PCSK5: variants seen among roughly 807,000 people sequenced by gnomAD.
PCSK5 encodes prohormone convertase 5.
A neutral mutation model predicts 233.2 loss-of-function variants in PCSK5; 129 were observed. The observed-to-expected ratio is 0.55, with a 90% CI of 0.48 to 0.64. The LOEUF is 0.64. Ranked by LOEUF, PCSK5 falls within the 30% of genes least tolerant of loss-of-function variation. The probability of loss-of-function intolerance (pLI) is 0.00; values close to 1 mark genes in which losing one functional copy is unlikely to be tolerated. For synonymous variants in PCSK5, 825 were observed against 879.2 expected (o/e 0.94, Z 1.09); for missense variants, 2,076 against 2,430.1 (o/e 0.85, Z 3.06).
intron 11 of PCSK5, among the ~76,000 whole-genome samples, 178 bp from the exon 12 acceptor site, chr9:76,158,805 C>A (rs1439048156): frequency 6.6e-6 from 1 of 152,208 alleles, no homozygotes; most frequent in Non-Finnish European, 1.5e-5. Context: ...TCCCTTGCAT[C>A]TTTCCCACTA....
intron 2 of PCSK5, among the ~76,000 whole-genome samples, chr9:75,949,860 A>G (rs1044776710): frequency 6.6e-5 from 10 of 152,250 alleles, no homozygotes; most frequent in Admixed American, 4.6e-4. Context: ...ATAGGTGTCT[A>G]TATTTATGGG....
chr9:75,932,547 C>A, intron 2 of PCSK5, 64 bp downstream of exon 2: 1 of 930,868 alleles, frequency 1.1e-6, no homozygotes, highest in Non-Finnish European at 1.8e-6. Flanking sequence ...TTGGTAATAA[C>A]ACACTAGGGG....
At chr9:75,928,451 T>C (rs533627604) in intron 1 of PCSK5, among the ~76,000 whole-genome samples, 28 of 151,918 alleles carry the variant, frequency 1.8e-4, no homozygotes, top group African/African-American at 6.5e-4. Flanking sequence ...ACTTCCAACA[T>C]GTTGTGACAT....
chr9:75,953,303 AT>A (rs1439091664), intron 2 of PCSK5, among the ~76,000 whole-genome samples: 1 of 152,138 alleles, frequency 6.6e-6, no homozygotes, highest in African/African-American at 2.4e-5. Context: ...AAGAAGTGAG[AT>A]TAGGGAAAAG....
chr9:76,122,034 G>A lies in PCSK5; in HGVS notation c.1209-12075G>A, dbSNP rs1247431487. Among the ~76,000 whole-genome samples the A allele has an allele frequency of 6.3e-5, 3 of 47,424 alleles. 1 individual carries two copies. Among genetic ancestry groups the A allele is most frequent in the African/African-American group, 1.2e-4 (2 of 17,382 alleles). The allele number at this position is 47,424 out of a possible 152,430, so 31.1% of individuals were successfully genotyped here. ...GAGACGGGGTTTCACCGTTTTAGCC[G>A]GGATGGTCTCGATCTCCTGACCTCG... is the stretch of plus-strand genomic sequence containing the variant. On this transcript the variant is annotated intron_variant, in intron 9 of 37. Transcript: ENST00000674117.
chr9:76,258,163 C>T (rs1003802981), intron 24 of PCSK5, among the ~76,000 whole-genome samples: 1 of 152,106 alleles, frequency 6.6e-6, no homozygotes, highest in African/African-American at 2.4e-5. Context: ...GGTGGTAGAA[C>T]ATTAGAATAG....
rs368207822 is a variant in PCSK5, at chr9:76,277,347, G to T, written c.3143-14886G>T. The stretch of plus-strand genomic sequence containing the variant: ...CAGCGTTAGTGAGTGATCCCTATAG[G>T]AATTGCTGCATATTTTCATCCATCA... On this transcript the variant is annotated intron_variant, in intron 24 of 37. Transcript: ENST00000674117. Among the ~76,000 whole-genome samples the T allele has an allele frequency of 3.3e-5, 5 of 152,230 alleles. No homozygotes were observed. In the South Asian group the frequency reaches 6.2e-4, roughly 19 times the overall value.
chr9:76,123,097 G>A (rs1832711040), intron 9 of PCSK5, among the ~76,000 whole-genome samples: 1 of 152,008 alleles, frequency 6.6e-6, no homozygotes, highest in South Asian at 2.1e-4. Context: ...GCCCACCATG[G>A]CCTCTCAAAG....
intron 1 of PCSK5, among the ~76,000 whole-genome samples, chr9:75,918,766 A>G (rs1823116544): frequency 6.6e-6 from 1 of 152,238 alleles, no homozygotes; most frequent in South Asian, 2.1e-4. Context: ...ATGATTCTCA[A>G]GGTTGCTTTT....
At chr9:76,037,833 G>A (rs1828926320) in intron 5 of PCSK5, among the ~76,000 whole-genome samples, 1 of 152,150 alleles carries the variant, frequency 6.6e-6, no homozygotes. Context: ...GAATTGAGAA[G>A]AGCAGTAGAG....
Position 75,891,065 on chromosome 9 carries a change from C to CGAGCTGCGGCGGCCCGGGGCTGG in PCSK5, c.-95_-94insGGAGCTGCGGCGGCCCGGGGCTG. The CGAGCTGCGGCGGCCCGGGGCTGG allele has an allele frequency of 1.0e-6, 1 of 968,136 alleles. No individual in the cohort carries two copies. Among genetic ancestry groups the CGAGCTGCGGCGGCCCGGGGCTGG allele is most frequent in the Non-Finnish European group, 1.4e-6 (1 of 720,136 alleles). 60.0% of individuals were successfully genotyped at this position (968,136 alleles called of 1,614,324 possible). A position where few individuals can be genotyped will look rare whatever the true frequency, so the allele number is the denominator to read the frequency against. ...GCCTCCTGCCGATCGCCCGGGGCTG[C>CGAGCTGCGGCGGCCCGGGGCTGG]GAGCTGCGGCGGCCCGGGGCTGCTC... On this transcript the variant is annotated 5_prime_UTR_variant, in exon 1 of 38. Transcript: ENST00000674117.
intron 35 of PCSK5, among the ~76,000 whole-genome samples, chr9:76,350,554 A>G (rs1047890258): frequency 2.0e-5 from 3 of 152,222 alleles, no homozygotes; most frequent in Non-Finnish European, 2.9e-5. Context: ...AACTTTCTAC[A>G]TGATTTCTCA....
intron 1 of PCSK5, among the ~76,000 whole-genome samples, chr9:75,921,501 G>C (rs930967141): frequency 1.3e-5 from 2 of 152,094 alleles, no homozygotes; most frequent in African/African-American, 2.4e-5. Context: ...GTGCAGAAAA[G>C]AGTGAAGACC....
Position 76,354,119 on chromosome 9 carries a change from C to G in PCSK5, c.5154C>G (p.Ala1718=). ...CCAAGAACTGCACCTTGTGCCCTGC[C>G]AACCTGGTGCTGCACATGGACGACA... ...PGAKNCTLCP[A]NLVLHMDDSH... Residue 1718 remains alanine (A), a synonymous_variant, in exon 37 of 38, where the codon GCC becomes GCG. Transcript: ENST00000674117. 3 of 1,603,586 alleles carry G rather than the reference C, an allele frequency of 1.9e-6. No individual in the cohort carries two copies. Among genetic ancestry groups the G allele is most frequent in the Non-Finnish European group, 2.6e-6 (3 of 1,175,794 alleles).
At chr9:76,214,340 G>A (rs1449639409) in intron 20 of PCSK5, among the ~76,000 whole-genome samples, 1 of 151,814 alleles carries the variant, frequency 6.6e-6, no homozygotes, top group African/African-American at 2.4e-5. Flanking sequence ...GTGTGTGCAC[G>A]CAGCCCACCA....
At chr9:76,015,036 G>A (rs76377374) in intron 3 of PCSK5, among the ~76,000 whole-genome samples, 4,755 of 152,228 alleles carry the variant, frequency 0.031, 245 homozygotes, top group African/African-American at 0.11. Flanking sequence ...GAGAAGTCCT[G>A]TGATCTGATA....
intron 2 of PCSK5, among the ~76,000 whole-genome samples, chr9:75,934,267 C>G (rs1227058655): frequency 6.6e-6 from 1 of 152,200 alleles, no homozygotes; most frequent in Non-Finnish European, 1.5e-5. Flanking sequence ...CATTCCAATG[C>G]CGTCTGCTCA....
At chr9:75,922,456 A>C (rs1282404256) in intron 1 of PCSK5, among the ~76,000 whole-genome samples, 1 of 152,076 alleles carries the variant, frequency 6.6e-6, no homozygotes, top group Non-Finnish European at 1.5e-5. Context: ...TAACCTGCAA[A>C]AGCTTGTTAC....
chr9:76,137,899 C>G (rs1265405255), intron 10 of PCSK5, among the ~76,000 whole-genome samples: 1 of 152,046 alleles, frequency 6.6e-6, no homozygotes, highest in South Asian at 2.1e-4. Context: ...TTGATCCCTT[C>G]CCTTTCTGCT....
Sources: allele counts gnomAD v4.1 joint callset (sites outside exome capture counted in the v4.1 genomes callset), GRCh38; gene constraint gnomAD v4.1.1; transcripts MANE v1.5; gene names NCBI Gene and HGNC (gene_info 2026-07-23, HGNC 2026-07-21).